USP20: variants seen among roughly 807,000 people sequenced by gnomAD.
USP20 encodes the protein ubiquitin specific peptidase 20, also known as ubiquitin carboxyl-terminal hydrolase 20.
In USP20, 80 loss-of-function variants were observed where a neutral mutation model predicts 124.2. That is an observed-to-expected ratio of 0.64 (90% confidence interval 0.54 to 0.78). The LOEUF is 0.78. Ranked by LOEUF, USP20 falls within the 30% of genes least tolerant of loss-of-function variation. USP20 has a pLI of 0.00. For missense variants in USP20, 1,043 were observed against 1,244.4 expected (o/e 0.84, Z 2.44); for synonymous variants, 481 against 512.3 (o/e 0.94, Z 0.83).
intron 1 of USP20, among the ~76,000 whole-genome samples, chr9:129,848,973 G>A (rs2032746432): frequency 1.3e-5 from 2 of 152,232 alleles, no homozygotes; most frequent in Admixed American, 6.5e-5. Flanking sequence ...TGCCAGTGAA[G>A]TGTGGGTAGT....
At chr9:129,836,258 C>G (rs757686647) in intron 1 of USP20, among the ~76,000 whole-genome samples, 3 of 152,216 alleles carry the variant, frequency 2.0e-5, no homozygotes, top group Non-Finnish European at 2.9e-5. Flanking sequence ...TTCTCAGTGT[C>G]ATCCCTTACT....
intron 17 of USP20, among the ~76,000 whole-genome samples, chr9:129,874,221 C>T (rs145892347): frequency 2.2e-4 from 33 of 152,186 alleles, no homozygotes; most frequent in African/African-American, 6.7e-4. Flanking sequence ...CAGGCTTGTC[C>T]GCACCAAGGA....
chr9:129,872,095 G>A (rs983195117), intron 15 of USP20, among the ~76,000 whole-genome samples: 1 of 152,156 alleles, frequency 6.6e-6, no homozygotes, highest in African/African-American at 2.4e-5. Context: ...ATTTGTAAGT[G>A]TTTGGAAAAA....
Position 129,875,400 on chromosome 9 carries a change from C to G in USP20, c.2139C>G (p.Ser713=). Residue 713 remains serine, a synonymous_variant, in exon 20 of 26, where the codon TCC becomes TCG. Transcript: ENST00000372429. ...REPSLLRFYV[S]REWLNKFNTF... is the part of the protein sequence containing the mutation. ...CCAGCCTGCTGCGGTTCTACGTGTC[C>G]CGCGAGTGGCTCAACAAGTTCAACA... is the stretch of plus-strand genomic sequence containing the variant. The G allele has an allele frequency of 6.2e-7, 1 of 1,613,636 alleles. No individual in the cohort carries two copies. The highest frequency in any genetic ancestry group is 1.7e-4 in the Middle Eastern group (1 of 6,060).
intron 1 of USP20, among the ~76,000 whole-genome samples, chr9:129,844,931 C>T (rs1038113586): frequency 2.6e-5 from 4 of 151,810 alleles, no homozygotes; most frequent in African/African-American, 9.7e-5. Context: ...GTGTGTAATC[C>T]CAGCACTTTG....
intron 10 of USP20, among the ~76,000 whole-genome samples, chr9:129,867,012 C>T (rs1336115180): frequency 6.6e-6 from 1 of 152,144 alleles, no homozygotes; most frequent in Non-Finnish European, 1.5e-5. Flanking sequence ...GAGCCGGGAT[C>T]CTCTTCCCAG....
At chr9:129,853,477 T>C (rs1250915244) in intron 3 of USP20, among the ~76,000 whole-genome samples, 1 of 152,194 alleles carries the variant, frequency 6.6e-6, no homozygotes, top group East Asian at 1.9e-4. Context: ...ATGAATGGCC[T>C]TGTAGAAAAG....
chr9:129,867,918 G>T, intron 10 of USP20, 87 bp from the exon 11 acceptor site: 1 of 1,488,444 alleles, frequency 6.7e-7, no homozygotes, highest in Non-Finnish European at 8.9e-7. Flanking sequence ...CCTAGATGGA[G>T]GCTGGCGCTC....
At position 129,874,758 on chromosome 9, in the gene USP20, T is replaced by G; in HGVS notation, c.1921+2T>G. The stretch of plus-strand genomic sequence containing the variant: ...TCTGCCACCACGGCACGGCAGGCAG[T>G]GAGTCATGTCCCCTCCCCTGCCGTC... On this transcript the variant is annotated splice_donor_variant, in intron 18 of 25. Coordinates refer to ENST00000372429, the MANE Select transcript of USP20 (RefSeq NM_001110303.4). LOFTEE classifies it high-confidence loss of function. The G allele has an allele frequency of 6.2e-7, 1 of 1,613,766 alleles. No individual in the cohort carries two copies. Among genetic ancestry groups the G allele is most frequent in the African/African-American group, 1.3e-5 (1 of 75,028 alleles).
chr9:129,841,528 C>T (rs2032211349), intron 1 of USP20, among the ~76,000 whole-genome samples: 1 of 152,180 alleles, frequency 6.6e-6, no homozygotes, highest in Non-Finnish European at 1.5e-5. Context: ...GCTGGTTGTC[C>T]TGGGGATGTT....
intron 3 of USP20, among the ~76,000 whole-genome samples, chr9:129,853,441 C>T (rs975349240): frequency 6.6e-6 from 1 of 152,230 alleles, no homozygotes; most frequent in Admixed American, 6.5e-5. Flanking sequence ...CCTTTGCAGC[C>T]TCTTGCCGAT....
chr9:129,866,791 G>A (rs748587185), intron 10 of USP20, among the ~76,000 whole-genome samples: 2 of 152,236 alleles, frequency 1.3e-5, no homozygotes, highest in African/African-American at 2.4e-5. Context: ...GGAACACATA[G>A]TACTTTTGTT....
At chr9:129,868,578 G>C in intron 11 of USP20, 129 bp downstream of exon 11, 1 of 1,441,614 alleles carries the variant, frequency 6.9e-7, no homozygotes, top group Non-Finnish European at 9.1e-7. Flanking sequence ...CAGTGGGGAA[G>C]TCAGCCTCCG....
rs780428144 is a variant in USP20, at chr9:129,861,012, G to T, written c.406G>T (p.Asp136Tyr). ...VADEGESESE[D>Y]DDLKPRGLTG... is the part of the protein sequence containing the mutation. ...TGATGAAGGAGAGTCTGAGTCAGAG[G>T]ACGATGACCTGAAACCTCGAGGTAA... is the stretch of plus-strand genomic sequence containing the variant. The change falls in exon 7 of 26, where the codon GAC becomes TAC. Residue 136 changes from aspartate (D) to tyrosine (Y), a missense_variant. Asp to Tyr is a radical substitution (Grantham distance 160). Transcript: ENST00000372429. The T allele has an allele frequency of 6.2e-7, 1 of 1,614,196 alleles. No homozygotes were observed. Among genetic ancestry groups the T allele is most frequent in the South Asian group, 1.1e-5 (1 of 91,084 alleles).
At chr9:129,872,481 C>T (rs2034173732) in intron 15 of USP20, among the ~76,000 whole-genome samples, 1 of 152,108 alleles carries the variant, frequency 6.6e-6, no homozygotes, top group Non-Finnish European at 1.5e-5. Flanking sequence ...TTTATGTGTC[C>T]AGATACGTGA....
In USP20 at chr9:129,880,708, C is replaced by G. The variant is rs1009263281; in HGVS notation, c.*258C>G. On this transcript the variant is annotated 3_prime_UTR_variant, in exon 26 of 26. Transcript: ENST00000372429. The stretch of plus-strand genomic sequence containing the variant: ...TCGTTGTGTCCCCCACAACTGTCCT[C>G]TTGCTAGCTCGGCCCAGCTTTGTCC... 14 of 169,390 alleles carry G rather than the reference C, an allele frequency of 8.3e-5. No individual in the cohort carries two copies. The highest frequency in any genetic ancestry group is 1.5e-4 in the South Asian group (1 of 6,888). The allele number at this position is 169,390 out of a possible 1,614,324, so 10.5% of individuals were successfully genotyped here. A position where few individuals can be genotyped will look rare whatever the true frequency, so the allele number is the denominator to read the frequency against.
intron 3 of USP20, 91 bp from the exon 4 acceptor site, chr9:129,856,216 G>C: frequency 1.5e-6 from 2 of 1,328,150 alleles, no homozygotes; most frequent in Non-Finnish European, 2.2e-6. Flanking sequence ...TGTCAGCCAG[G>C]TGGGGCCCTC....
intron 17 of USP20, 55 bp downstream of exon 17, chr9:129,873,799 C>A (rs2034254223): frequency 1.3e-6 from 2 of 1,593,506 alleles, no homozygotes; most frequent in African/African-American, 1.3e-5. Context: ...TGCACACCAG[C>A]ACACACCAGG....
At chr9:129,852,310 G>T (rs965837745) in intron 2 of USP20, among the ~76,000 whole-genome samples, 1 of 152,150 alleles carries the variant, frequency 6.6e-6, no homozygotes. Context: ...ACTACACCAG[G>T]CATTTGACAG....
Sources: gnomAD v4.1 joint callset for allele counts (sites outside exome capture counted in the v4.1 genomes callset) on GRCh38, gnomAD v4.1.1 for gene constraint, MANE v1.5 for transcripts, NCBI Gene and HGNC (gene_info 2026-07-23, HGNC 2026-07-21) for gene names.